The following LRFN2 variants were observed in gnomAD, a reference collection of about 807,000 sequenced individuals.
The protein encoded by LRFN2 is leucine rich repeat and fibronectin type III domain containing 2, also known as leucine-rich repeat and fibronectin type-III domain-containing protein 2.
LRFN2 carries 18 observed loss-of-function variants against 37.3 expected under a neutral mutation model. The observed-to-expected ratio is 0.48, with a 90% CI of 0.33 to 0.72. The LOEUF (loss-of-function observed/expected upper bound fraction) is 0.72. Among genes scored for constraint, LRFN2 ranks in the 30% least tolerant of loss-of-function variants. LRFN2 has a pLI of 0.02. For synonymous variants in LRFN2, 556 were observed against 466.6 expected (o/e 1.19, Z -2.47); for missense variants, 1,006 against 1,060.7 (o/e 0.95, Z 0.72).
intron 1 of LRFN2, among the ~76,000 whole-genome samples, chr6:40,461,288 G>T (rs2113850018): frequency 6.6e-6 from 1 of 152,126 alleles, no homozygotes; most frequent in Non-Finnish European, 1.5e-5. Context: ...CACACCTGCA[G>T]TCCCAGCTAC....
chr6:40,434,020 T>C (rs1763579687), intron 1 of LRFN2, among the ~76,000 whole-genome samples: 1 of 152,206 alleles, frequency 6.6e-6, no homozygotes, highest in South Asian at 2.1e-4. Flanking sequence ...CCAGATGCTC[T>C]TCCATGATCA....
At chr6:40,394,373 TCTC>T (rs1481461910) in intron 2 of LRFN2, among the ~76,000 whole-genome samples, 1 of 152,056 alleles carries the variant, frequency 6.6e-6, no homozygotes, top group African/African-American at 2.4e-5. Context: ...CCACTCCCAT[TCTC>T]CTATTCCCTA....
intron 1 of LRFN2, among the ~76,000 whole-genome samples, chr6:40,462,041 ACGTG>A (rs772490053): frequency 6.6e-6 from 1 of 152,238 alleles, no homozygotes; most frequent in Non-Finnish European, 1.5e-5. Context: ...CAAATGCAAA[ACGTG>A]CAATTTACAC....
At chr6:40,559,757 C>T (rs1160971316) in intron 1 of LRFN2, among the ~76,000 whole-genome samples, 1 of 152,176 alleles carries the variant, frequency 6.6e-6, no homozygotes, top group Non-Finnish European at 1.5e-5. Context: ...TGCCCAAGCA[C>T]CCTCCCAAAA....
intron 1 of LRFN2, among the ~76,000 whole-genome samples, chr6:40,434,208 G>A (rs1211612015): frequency 6.6e-6 from 1 of 152,208 alleles, no homozygotes; most frequent in Non-Finnish European, 1.5e-5. Context: ...AAAGCCTAAA[G>A]CGCTGCCTGG....
intron 1 of LRFN2, among the ~76,000 whole-genome samples, chr6:40,438,567 C>T (rs142908234): frequency 3.3e-5 from 5 of 152,316 alleles, no homozygotes; most frequent in African/African-American, 9.6e-5. Context: ...AAATGGAGAT[C>T]GTCTGGCTCC....
chr6:40,561,758 G>T (rs1027461499), intron 1 of LRFN2, among the ~76,000 whole-genome samples: 1 of 152,182 alleles, frequency 6.6e-6, no homozygotes, highest in Non-Finnish European at 1.5e-5. Context: ...ACCTATCCCT[G>T]GTGGGAGAGT....
At chr6:40,445,838 A>G (rs1370257520) in intron 1 of LRFN2, among the ~76,000 whole-genome samples, 1 of 152,162 alleles carries the variant, frequency 6.6e-6, no homozygotes, top group Non-Finnish European at 1.5e-5. Flanking sequence ...TGACCTCTCA[A>G]TACCTCAGTT....
intron 1 of LRFN2, among the ~76,000 whole-genome samples, chr6:40,567,973 A>C (rs1390922059): frequency 6.6e-6 from 1 of 152,168 alleles, no homozygotes; most frequent in Non-Finnish European, 1.5e-5. Flanking sequence ...TGCCCAAACT[A>C]ATAGCTCTAC....
At chr6:40,486,339 C>T (rs1380068601) in intron 1 of LRFN2, among the ~76,000 whole-genome samples, 1 of 152,080 alleles carries the variant, frequency 6.6e-6, no homozygotes, top group Admixed American at 6.5e-5. Context: ...AACTCAAGAC[C>T]CCTGGGCTAA....
chr6:40,480,801 T>A (rs902303175), intron 1 of LRFN2, among the ~76,000 whole-genome samples: 1 of 152,172 alleles, frequency 6.6e-6, no homozygotes, highest in Non-Finnish European at 1.5e-5. Flanking sequence ...ATGTCGCATA[T>A]GGGGCCAGGT....
At chr6:40,521,384 G>A (rs573493089) in intron 1 of LRFN2, among the ~76,000 whole-genome samples, 1 of 152,346 alleles carries the variant, frequency 6.6e-6, no homozygotes, top group Non-Finnish European at 1.5e-5. Flanking sequence ...GGAGGAGCCA[G>A]AGAGAGGGGG....
chr6:40,568,806 C>T (rs1767136714), intron 1 of LRFN2, among the ~76,000 whole-genome samples: 1 of 151,932 alleles, frequency 6.6e-6, no homozygotes, highest in African/African-American at 2.4e-5. Context: ...ACTGTAACCT[C>T]CGCCTCCTGG....
chr6:40,580,973 G>A (rs1035765191), intron 1 of LRFN2, among the ~76,000 whole-genome samples: 1 of 152,166 alleles, frequency 6.6e-6, no homozygotes. Context: ...GGATGTGTGT[G>A]AGGTATGTGG....
intron 1 of LRFN2, among the ~76,000 whole-genome samples, chr6:40,509,301 C>T (rs1765628888): frequency 6.6e-6 from 1 of 152,256 alleles, no homozygotes; most frequent in African/African-American, 2.4e-5. Context: ...TGGGACAGAG[C>T]ATGGGCTCTG....
At chr6:40,541,836 C>T (rs915069840) in intron 1 of LRFN2, among the ~76,000 whole-genome samples, 1 of 152,228 alleles carries the variant, frequency 6.6e-6, no homozygotes, top group African/African-American at 2.4e-5. Context: ...CACCCCCTCC[C>T]CATAGACACA....
intron 1 of LRFN2, among the ~76,000 whole-genome samples, chr6:40,435,007 G>T (rs1763609035): frequency 1.2e-5 from 1 of 82,338 alleles, no homozygotes; most frequent in Non-Finnish European, 2.3e-5. Flanking sequence ...CTTGAGCAAT[G>T]GTTTTACATA....
Position 40,442,243 on chromosome 6 carries a change from C to A in LRFN2, c.-18-9112G>T, listed in dbSNP as rs76536232. Among the ~76,000 whole-genome samples, 5 of 152,320 alleles carry A rather than the reference C, an allele frequency of 3.3e-5. No individual in the cohort carries two copies. The East Asian group carries it at 7.7e-4, about 24-fold the overall frequency. ...TGAATAACGCAAAGTGGCAGATAAT[C>A]CTAAACTCATTTCCATTTGGCTGGA... is the stretch of plus-strand genomic sequence containing the variant. On this transcript the variant is annotated intron_variant, in intron 1 of 2. Transcript: ENST00000338305.
Position 40,392,804 on chromosome 6 carries a change from C to A in LRFN2, c.1509G>T (p.Thr503=). Residue 503 remains threonine (T), a synonymous_variant, in exon 3 of 3, where the codon ACG becomes ACT. Transcript: ENST00000338305. The surrounding 1 kb of genome is among the most constrained non-coding windows in gnomAD (Gnocchi z 4.7). Reference sequence around the variant, plus strand: ...GGGCGCAGCCCACGATGTTGGTGGCCGTGAGTGTCGTGGCTGTGTCATCCC... The same window carrying A: ...GGGCGCAGCCCACGATGTTGGTGGCAGTGAGTGTCGTGGCTGTGTCATCCC... ...AMWDDTATTL[T]ATNIVGCAQF... 1 of 1,614,004 alleles carries A rather than the reference C, an allele frequency of 6.2e-7. No homozygotes were observed. The highest frequency in any genetic ancestry group is 8.5e-7 in the Non-Finnish European group (1 of 1,179,976).
Sources: allele counts gnomAD v4.1 joint callset (sites outside exome capture counted in the v4.1 genomes callset), GRCh38; gene constraint gnomAD v4.1.1; non-coding constraint Gnocchi (gnomAD v3.1); transcripts MANE v1.5; gene names NCBI Gene and HGNC (gene_info 2026-07-23, HGNC 2026-07-21).